PTPRM: variants seen among roughly 807,000 people sequenced by gnomAD.
The protein encoded by PTPRM is protein tyrosine phosphatase receptor type M.
Under a neutral mutation model 186.7 loss-of-function variants are expected in PTPRM, and 47 were observed. That is an observed-to-expected ratio of 0.25 (90% CI 0.20 to 0.32). The LOEUF is 0.32. Ranked by LOEUF, PTPRM falls within the 10% of genes least tolerant of loss-of-function variation. The pLI, the probability that PTPRM is intolerant of heterozygous loss-of-function variation, is 1.00. For missense variants in PTPRM, 1,494 were observed against 1,865.0 expected, an observed-to-expected ratio of 0.80 and a Z score of 3.66; for synonymous variants, 668 against 674.9, an observed-to-expected ratio of 0.99 and a Z score of 0.16.
chr18:7,653,462 C>A (rs1394513866), intron 1 of PTPRM, among the ~76,000 whole-genome samples: 1 of 152,114 alleles, frequency 6.6e-6, no homozygotes, highest in Non-Finnish European at 1.5e-5. Context: ...TCCTCTCCCT[C>A]CTCCCACCCT....
At chr18:7,962,768 A>G (rs781685485) in intron 7 of PTPRM, among the ~76,000 whole-genome samples, 2 of 152,180 alleles carry the variant, frequency 1.3e-5, no homozygotes, top group Non-Finnish European at 2.9e-5. Flanking sequence ...CTGAAATTAA[A>G]CCCTGCCAAA....
At position 8,039,257 on chromosome 18, in the gene PTPRM, A is replaced by G. The variant is rs545715432; in HGVS notation, c.1133-30429A>G. Among the ~76,000 whole-genome samples, 331 of 152,244 alleles carry G rather than the reference A, an allele frequency of 2.2e-3. 1 individual carries two copies. The highest frequency in any genetic ancestry group is 7.4e-3 in the African/African-American group (307 of 41,582). ...TTCATAAAAAGTTGTAGGAACCTTT[A>G]CAGATTACTGTATTTCTCTCCTCAA... On this transcript the variant is annotated intron_variant, in intron 7 of 32. Transcript: ENST00000580170.
At chr18:8,120,163 A>T (rs1362587201) in intron 13 of PTPRM, among the ~76,000 whole-genome samples, 1 of 152,152 alleles carries the variant, frequency 6.6e-6, no homozygotes, top group Non-Finnish European at 1.5e-5. Flanking sequence ...TTCCAATAAA[A>T]CTTTATTTGC....
intron 1 of PTPRM, among the ~76,000 whole-genome samples, chr18:7,728,760 A>G (rs981476953): frequency 1.3e-5 from 2 of 152,190 alleles, no homozygotes; most frequent in Non-Finnish European, 2.9e-5. Context: ...TCCTGCCTCT[A>G]TCAGCAGCAT....
chr18:8,050,924 G>A (rs558765960), intron 7 of PTPRM, among the ~76,000 whole-genome samples: 2 of 152,270 alleles, frequency 1.3e-5, no homozygotes, highest in South Asian at 4.1e-4. Flanking sequence ...AAGTTTGGGT[G>A]AGGGGAGGGG....
In PTPRM at chr18:7,890,517, G is replaced by T. The variant is rs903415896; in HGVS notation, c.468+2140G>T. Among the ~76,000 whole-genome samples, 325 of 150,724 alleles carry T rather than the reference G, an allele frequency of 2.2e-3. 1 individual carries two copies. The highest frequency in any genetic ancestry group is 3.2e-3 in the Non-Finnish European group (213 of 67,596). On this transcript the variant is annotated intron_variant, in intron 3 of 32. Transcript: ENST00000580170. ...TTAATGAGTGACAAGTAAATGTGTT[G>T]TTTTTTTTTAATGGAAATGAAGACA...
chr18:8,297,304 C>T (rs963629158), intron 20 of PTPRM, among the ~76,000 whole-genome samples: 15 of 152,182 alleles, frequency 9.9e-5, no homozygotes, highest in Admixed American at 5.2e-4. Flanking sequence ...TCATTTCTTA[C>T]GAGAGAACAA....
chr18:7,890,110 T>A (rs2048994236), intron 3 of PTPRM, among the ~76,000 whole-genome samples: 1 of 152,220 alleles, frequency 6.6e-6, no homozygotes, highest in Non-Finnish European at 1.5e-5. Context: ...CACAGCATCT[T>A]TTAAAAATAA....
intron 7 of PTPRM, among the ~76,000 whole-genome samples, chr18:7,959,035 A>G (rs35822807): frequency 0.14 from 21,851 of 152,158 alleles, 1,827 homozygotes; most frequent in Non-Finnish European, 0.19. Context: ...AAAAACTGCT[A>G]ACCCTCTCTG....
chr18:7,575,783 C>G (rs981216661), intron 1 of PTPRM, among the ~76,000 whole-genome samples: 1 of 152,132 alleles, frequency 6.6e-6, no homozygotes, highest in African/African-American at 2.4e-5. Flanking sequence ...GGAGTGACTT[C>G]TACAGCACTG....
In PTPRM at chr18:8,021,301, G is replaced by C. The variant is rs145045116; in HGVS notation, c.1133-48385G>C. Among the ~76,000 whole-genome samples, 273 of 146,386 alleles carry C rather than the reference G, an allele frequency of 1.9e-3. 2 individuals are homozygous for C. Among genetic ancestry groups the C allele is most frequent in the African/African-American group, 6.1e-3 (236 of 38,864 alleles). The stretch of plus-strand genomic sequence containing the variant: ...AAGTAACAAAAACCAAGTGATTTGT[G>C]CTTAAGCATAAAAGAGACACACACA... On this transcript the variant is annotated intron_variant, in intron 7 of 32. Transcript: ENST00000580170.
chr18:7,984,486 T>C (rs548699807), intron 7 of PTPRM, among the ~76,000 whole-genome samples: 1 of 150,410 alleles, frequency 6.6e-6, no homozygotes, highest in African/African-American at 2.4e-5. Context: ...ATTTAGAAAA[T>C]CTACCTTCGT....
chr18:8,353,761 A>G (rs2095548452), intron 23 of PTPRM, among the ~76,000 whole-genome samples: 1 of 152,166 alleles, frequency 6.6e-6, no homozygotes, highest in African/African-American at 2.4e-5. Flanking sequence ...AGGAAGCTCA[A>G]GAGAGAGATG....
chr18:8,102,502 T>C (rs2091336486), intron 11 of PTPRM, among the ~76,000 whole-genome samples: 1 of 152,208 alleles, frequency 6.6e-6, no homozygotes, highest in African/African-American at 2.4e-5. Flanking sequence ...CAAGTAGATT[T>C]CATCTCAAGA....
intron 1 of PTPRM, among the ~76,000 whole-genome samples, chr18:7,704,411 G>T (rs1406791894): frequency 3.9e-5 from 6 of 152,114 alleles, no homozygotes; most frequent in Non-Finnish European, 7.4e-5. Flanking sequence ...GAGGGTGTGT[G>T]TGTCTAGGAA....
At chr18:7,973,266 A>T (rs2054694860) in intron 7 of PTPRM, among the ~76,000 whole-genome samples, 2 of 152,160 alleles carry the variant, frequency 1.3e-5, no homozygotes, top group Non-Finnish European at 2.9e-5. Flanking sequence ...GTAGAATTGC[A>T]GGGCCAAAGA....
intron 1 of PTPRM, among the ~76,000 whole-genome samples, chr18:7,628,029 C>T (rs2038102475): frequency 6.6e-6 from 1 of 152,076 alleles, no homozygotes; most frequent in South Asian, 2.1e-4. Context: ...GGCCACATGA[C>T]AAAGATACCA....
intron 1 of PTPRM, among the ~76,000 whole-genome samples, chr18:7,712,624 A>C (rs1053314095): frequency 1.3e-5 from 2 of 152,090 alleles, no homozygotes; most frequent in Admixed American, 6.5e-5. Flanking sequence ...AATCTTGAAA[A>C]AAGGTTAGAG....
chr18:7,849,010 A>G (rs1328653575), intron 2 of PTPRM, among the ~76,000 whole-genome samples: 5 of 152,042 alleles, frequency 3.3e-5, no homozygotes, highest in Non-Finnish European at 7.3e-5. Flanking sequence ...TAGGAATTTG[A>G]AAGTTCTTGG....
Sources: gnomAD v4.1 joint callset for allele counts (sites outside exome capture counted in the v4.1 genomes callset) on GRCh38, gnomAD v4.1.1 for gene constraint, MANE v1.5 for transcripts, NCBI Gene and HGNC (gene_info 2026-07-23, HGNC 2026-07-21) for gene names.